STARD13: variants seen among roughly 807,000 people sequenced by gnomAD.
STARD13 encodes the protein stAR-related lipid transfer protein 13.
STARD13 carries 62 observed loss-of-function variants against 106.4 expected under a neutral mutation model. The ratio of observed to expected loss-of-function variants is 0.58; its 90% confidence interval spans 0.48 to 0.72. The LOEUF (loss-of-function observed/expected upper bound fraction) is 0.72. Ranked by LOEUF, STARD13 falls within the 30% of genes least tolerant of loss-of-function variation. STARD13 has a pLI of 0.00. For synonymous variants in STARD13, 565 were observed against 553.0 expected, an observed-to-expected ratio of 1.02 and a Z score of -0.31; for missense variants, 1,387 against 1,424.0, an observed-to-expected ratio of 0.97 and a Z score of 0.42.
At chr13:33,409,537 G>A in the STARD13 span, among the ~76,000 whole-genome samples, 4 of 152,184 alleles carry the variant, frequency 2.6e-5, no homozygotes, top group East Asian at 1.9e-4. Context: ...GCATCATAAC[G>A]TTCTTGCTTG....
chr13:33,619,914 A>T, the STARD13 span, among the ~76,000 whole-genome samples: 383 of 152,292 alleles, frequency 2.5e-3, no homozygotes, highest in Non-Finnish European at 3.5e-3. Flanking sequence ...AAATAAAAAA[A>T]TTAGCTGGGC....
the STARD13 span, among the ~76,000 whole-genome samples, chr13:33,673,705 G>T: frequency 6.6e-6 from 1 of 150,728 alleles, no homozygotes; most frequent in South Asian, 2.1e-4. Context: ...ACCACACCCA[G>T]CTAATTTTTG....
intron 1 of STARD13, among the ~76,000 whole-genome samples, chr13:33,341,876 T>A (rs150528933): frequency 6.6e-6 from 1 of 151,742 alleles, no homozygotes; most frequent in Non-Finnish European, 1.5e-5. Flanking sequence ...TGCAACCTCC[T>A]CCTCTTGGGT....
the STARD13 span, among the ~76,000 whole-genome samples, chr13:33,432,441 C>A: frequency 7.9e-5 from 12 of 152,128 alleles, no homozygotes; most frequent in African/African-American, 1.9e-4. Flanking sequence ...CTCAACAGGA[C>A]AATTGCACGG....
chr13:33,380,567 G>T, the STARD13 span, among the ~76,000 whole-genome samples: 1 of 149,346 alleles, frequency 6.7e-6, no homozygotes, highest in Non-Finnish European at 1.5e-5. Context: ...GCAAACGAGG[G>T]AACTGTCTCT....
the STARD13 span, among the ~76,000 whole-genome samples, chr13:33,493,861 C>T: frequency 6.6e-6 from 1 of 152,096 alleles, no homozygotes; most frequent in South Asian, 2.1e-4. Flanking sequence ...TGGCTGCACC[C>T]AAGGTCAAAG....
chr13:33,211,879 A>G (rs1887742303), intron 1 of STARD13, among the ~76,000 whole-genome samples: 1 of 151,784 alleles, frequency 6.6e-6, no homozygotes, highest in Non-Finnish European at 1.5e-5. Context: ...TATCTTATGT[A>G]TGTAAAATAT....
At chr13:33,286,496 G>A (rs1265447226), upstream of STARD13, among the ~76,000 whole-genome samples, 1 of 152,154 alleles carries the variant, frequency 6.6e-6, no homozygotes, top group East Asian at 1.9e-4. Context: ...AATCATTTAA[G>A]ACAAGAATCA....
intron 1 of STARD13, among the ~76,000 whole-genome samples, chr13:33,204,138 C>T (rs77680911): frequency 0.02 from 3,119 of 152,308 alleles, 56 homozygotes; most frequent in Non-Finnish European, 0.035. Flanking sequence ...CTGTCAGAAG[C>T]TGGCAAAATT....
chr13:33,567,085 C>A, the STARD13 span, among the ~76,000 whole-genome samples: 2 of 148,240 alleles, frequency 1.3e-5, 1 homozygote, highest in Non-Finnish European at 3.0e-5. Context: ...TTTGTTGAAG[C>A]TTCACTTGGT....
chr13:33,104,345 G>A lies in STARD13; in HGVS notation c.*1248C>T, dbSNP rs1873434598. ...TAGGTAGCTTGGACTGGCTAGTGAA[G>A]AAACACAGAAGAATTAATAAACCCG... On this transcript the variant is annotated 3_prime_UTR_variant, in exon 14 of 14. Coordinates refer to ENST00000336934, the MANE Select transcript of STARD13 (RefSeq NM_178006.4). The A allele has an allele frequency of 6.6e-6, 1 of 152,476 alleles. No individual in the cohort carries two copies. The highest frequency in any genetic ancestry group is 2.1e-4 in the South Asian group (1 of 4,824). The allele number at this position is 152,476 out of a possible 1,614,324, so 9.4% of individuals were successfully genotyped here.
chr13:33,336,755 C>CAAA (rs372064600), intron 1 of STARD13: 1 of 5,804 alleles, frequency 1.7e-4, no homozygotes, highest in Non-Finnish European at 4.1e-4. Context: ...GACCCTGTAT[C>CAAA]AGAAAAAAAA....
the STARD13 span, among the ~76,000 whole-genome samples, chr13:33,412,054 T>A: frequency 6.6e-6 from 1 of 152,212 alleles, no homozygotes; most frequent in African/African-American, 2.4e-5. Context: ...GATAAGACTT[T>A]CATTCTCCTC....
At chr13:33,261,037 A>G (rs905390871) in intron 1 of STARD13, among the ~76,000 whole-genome samples, 1 of 152,214 alleles carries the variant, frequency 6.6e-6, no homozygotes, top group Non-Finnish European at 1.5e-5. Context: ...TCAATTTACA[A>G]TCTTCAAAGA....
intron 3 of STARD13, among the ~76,000 whole-genome samples, chr13:33,142,909 C>T (rs139143828): frequency 3.3e-5 from 5 of 152,270 alleles, no homozygotes; most frequent in East Asian, 3.9e-4. Context: ...GAATGTCCAA[C>T]GTGATTGATT....
At chr13:33,457,420 G>A in the STARD13 span, among the ~76,000 whole-genome samples, 6 of 152,210 alleles carry the variant, frequency 3.9e-5, no homozygotes, top group East Asian at 1.9e-4. Flanking sequence ...AAGAACTTTC[G>A]TTTACAAAGA....
chr13:33,287,742 C>T (rs768304348), upstream of STARD13, among the ~76,000 whole-genome samples: 6 of 152,060 alleles, frequency 3.9e-5, no homozygotes, highest in Non-Finnish European at 8.8e-5. Context: ...CTTGATGGTC[C>T]AACACTGGGA....
the STARD13 span, among the ~76,000 whole-genome samples, chr13:33,537,172 T>C: frequency 3.9e-5 from 6 of 152,344 alleles, no homozygotes; most frequent in African/African-American, 9.6e-5. Flanking sequence ...GTTGTTTACA[T>C]AGCTGTGAGA....
intron 1 of STARD13, among the ~76,000 whole-genome samples, chr13:33,176,032 G>T (rs987592737): frequency 6.6e-6 from 1 of 152,108 alleles, no homozygotes; most frequent in Non-Finnish European, 1.5e-5. Flanking sequence ...ACTTCTGCAG[G>T]CCCTTTTCAA....
Sources: allele counts gnomAD v4.1 joint callset (sites outside exome capture counted in the v4.1 genomes callset), GRCh38; gene constraint gnomAD v4.1.1; transcripts MANE v1.5; gene names NCBI Gene and HGNC (gene_info 2026-07-23, HGNC 2026-07-21).